Variants in IFT140 observed in about 807,000 individuals in gnomAD.
IFT140 encodes the protein intraflagellar transport protein 140 homolog.
In IFT140, 133 loss-of-function variants were observed where a neutral mutation model predicts 164.6. The observed-to-expected ratio is 0.81, with a 90% CI of 0.70 to 0.93. The LOEUF is 0.93. IFT140 is among the 40% of genes least tolerant of loss of function. IFT140 has a pLI of 0.00. For synonymous variants in IFT140, 860 were observed against 817.3 expected (o/e 1.05, Z -0.89); for missense variants, 2,045 against 1,972.3 (o/e 1.04, Z -0.70).
chr16:1,589,215 C>T (rs1396366143), intron 7 of IFT140, among the ~76,000 whole-genome samples: 1 of 152,164 alleles, frequency 6.6e-6, no homozygotes, highest in Non-Finnish European at 1.5e-5. Context: ...AGCAGGGATT[C>T]CTGTGGAACA....
chr16:1,521,918 A>T (rs1379275058), intron 26 of IFT140, among the ~76,000 whole-genome samples: 35 of 101,790 alleles, frequency 3.4e-4, no homozygotes, highest in Middle Eastern at 4.5e-3. Flanking sequence ...ATTTATATTT[A>T]AAAAAAAAAA....
At chr16:1,520,924 T>C (rs2040508618) in intron 26 of IFT140, 116 bp from the exon 27 acceptor site, 3 of 917,772 alleles carry the variant, frequency 3.3e-6, no homozygotes, top group Admixed American at 4.8e-5. Flanking sequence ...GCGGCTTCTG[T>C]CTAGCTGGGG....
rs1355314419 is a variant in IFT140 at position 1,571,601 on chromosome 16, T to C, written c.1525-67A>G. Reference sequence around the variant, plus strand: ...TACTGAACATTGTTCACAGATAACCTTGTACACACAAGAAATGGATATATT... The same window carrying C: ...TACTGAACATTGTTCACAGATAACCCTGTACACACAAGAAATGGATATATT... On this transcript the variant is annotated intron_variant, in intron 13 of 30. Coordinates refer to ENST00000426508, the MANE Select transcript of IFT140 (RefSeq NM_014714.4). The C allele has an allele frequency of 2.0e-6, 3 of 1,479,314 alleles. No homozygotes were observed. The highest frequency in any genetic ancestry group is 2.8e-6 in the Non-Finnish European group (3 of 1,076,560). 91.6% of individuals were successfully genotyped at this position (1,479,314 alleles called of 1,614,324 possible).
intron 30 of IFT140, among the ~76,000 whole-genome samples, chr16:1,516,132 T>C (rs2040330196): frequency 3.9e-5 from 2 of 51,160 alleles, no homozygotes; most frequent in South Asian, 6.6e-4. Flanking sequence ...AGAGCAAAAC[T>C]CTGTCTCAAA....
intron 21 of IFT140, 74 bp downstream of exon 21, chr16:1,525,813 C>T: frequency 7.2e-7 from 1 of 1,388,286 alleles, no homozygotes; most frequent in Non-Finnish European, 9.5e-7. Flanking sequence ...CACCTCACCA[C>T]AGCACACACA....
chr16:1,520,871 A>C, intron 26 of IFT140, 63 bp from the exon 27 acceptor site: 1 of 1,458,924 alleles, frequency 6.9e-7, no homozygotes, highest in East Asian at 2.3e-5. Flanking sequence ...TGCGCCCCTC[A>C]TCTGCCACCG....
intron 19 of IFT140, chr16:1,541,370 C>T: frequency 1.0e-6 from 1 of 985,446 alleles, no homozygotes; most frequent in Non-Finnish European, 1.2e-6. Flanking sequence ...TGAGCTGCTT[C>T]TCCTCGGTCC....
intron 16 of IFT140, among the ~76,000 whole-genome samples, 189 bp downstream of exon 16, chr16:1,565,972 G>A (rs966991836): frequency 1.3e-5 from 2 of 152,164 alleles, no homozygotes; most frequent in Admixed American, 1.3e-4. Context: ...CCTTCCACCT[G>A]AAGGACAGAG....
At position 1,523,501 on chromosome 16, in the gene IFT140, C is replaced by T. The variant is rs1338658561; in HGVS notation, c.3453+17G>A. 6.2e-7 allele frequency: 1 copy of T among 1,601,996 alleles called. No homozygotes were observed. Among genetic ancestry groups the T allele is most frequent in the Non-Finnish European group, 8.5e-7 (1 of 1,176,572 alleles). On this transcript the variant is annotated intron_variant, in intron 26 of 30. Coordinates refer to ENST00000426508, the MANE Select transcript of IFT140 (RefSeq NM_014714.4). ...GTGCCTGCGTGGAGCCGAGCCCAGG[C>T]CCCGCTGGCCCCGTACCTTCCTGGC...
intron 13 of IFT140, among the ~76,000 whole-genome samples, chr16:1,573,979 C>T (rs570229994): frequency 6.6e-6 from 1 of 152,302 alleles, no homozygotes; most frequent in Admixed American, 6.5e-5. Context: ...CCTGCTCTCC[C>T]TTGAGCTGTG....
At position 1,523,792 on chromosome 16, in the gene IFT140, C is replaced by G. The variant is rs746993968; in HGVS notation, c.3270+36G>C. ...AGGCAAGGGCCCCCTGGCTTGCTGC[C>G]CCTCCCCCAGGTCCCCACCGGTGGC... On this transcript the variant is annotated intron_variant, in intron 25 of 30. Transcript: ENST00000426508. 3.1e-6 allele frequency: 5 copies of G among 1,608,038 alleles called. No homozygotes were observed. In the East Asian group the frequency reaches 1.1e-4, roughly 36 times the overall value.
intron 18 of IFT140, 27 bp downstream of exon 18, chr16:1,561,958 A>T (rs745744114): frequency 2.6e-6 from 4 of 1,562,420 alleles, no homozygotes; most frequent in Non-Finnish European, 3.5e-6. Flanking sequence ...ATCAGAAGAC[A>T]CCTGTGCGGA....
intron 30 of IFT140, 22 bp downstream of exon 30, chr16:1,518,194 G>C (rs779959569): frequency 2.8e-5 from 44 of 1,590,388 alleles, no homozygotes; most frequent in East Asian, 2.5e-4. Context: ...GATGCTGCTA[G>C]TGAGCAGCAC....
chr16:1,556,225 A>C (rs1041168790), intron 19 of IFT140, among the ~76,000 whole-genome samples: 12 of 152,384 alleles, frequency 7.9e-5, no homozygotes, highest in Admixed American at 7.2e-4. Context: ...AAATCTGTTA[A>C]GAGAGGAACA....
chr16:1,553,214 C>G lies in IFT140; in HGVS notation c.2399+4721G>C. ...CTTCCCTGTGTCTCTGTCTCTGTCT[C>G]TCTCTGTCTCCATCTGTCTCTGTGT... On this transcript the variant is annotated intron_variant, in intron 19 of 30. Coordinates refer to ENST00000426508, the MANE Select transcript of IFT140 (RefSeq NM_014714.4). The surrounding 1 kb of genome is among the most constrained non-coding windows in gnomAD (Gnocchi z 4.4). 3.1e-6 allele frequency: 3 copies of G among 981,154 alleles called. No homozygotes were observed. Among genetic ancestry groups the G allele is most frequent in the Non-Finnish European group, 3.6e-6 (3 of 826,090 alleles). 60.8% of individuals were successfully genotyped at this position (981,154 alleles called of 1,614,324 possible).
At chr16:1,546,469 A>G (rs926288229) in intron 19 of IFT140, among the ~76,000 whole-genome samples, 1 of 152,154 alleles carries the variant, frequency 6.6e-6, no homozygotes, top group Non-Finnish European at 1.5e-5. Flanking sequence ...TGTGCAGTGG[A>G]GAGTGACCAC....
chr16:1,523,800 C>G, intron 25 of IFT140, 28 bp downstream of exon 25: 1 of 1,609,012 alleles, frequency 6.2e-7, no homozygotes, highest in Non-Finnish European at 8.5e-7. Context: ...GCCCCTCCCC[C>G]AGGTCCCCAC....
Position 1,526,770 on chromosome 16 carries a change from C to A in IFT140, c.2426G>T (p.Arg809Leu). The A allele has an allele frequency of 6.2e-7, 1 of 1,610,116 alleles. No individual in the cohort carries two copies. Residue 809 changes from arginine to leucine, a missense_variant, in exon 20 of 31, where the codon CGC (arginine) becomes CTC (leucine). Physicochemically the swap from Arg to Leu is moderately radical, Grantham distance 102. Transcript: ENST00000426508. Reference protein sequence around the residue: ...KSEAVWENMARMCVKTQRLDV... With the variant: ...KSEAVWENMALMCVKTQRLDV... ...CAGCCGCTGGGTCTTCACGCACATG[C>A]GCGCCATGTTCTCCCAGACGGCCTC...
At chr16:1,521,632 T>G (rs2040529708) in intron 26 of IFT140, among the ~76,000 whole-genome samples, 1 of 151,564 alleles carries the variant, frequency 6.6e-6, no homozygotes, top group Non-Finnish European at 1.5e-5. Context: ...CCTCAGGTGA[T>G]CCACCCACCT....
Sources: gnomAD v4.1 joint callset for allele counts (sites outside exome capture counted in the v4.1 genomes callset) on GRCh38, gnomAD v4.1.1 for gene constraint, Gnocchi (gnomAD v3.1) non-coding constraint, MANE v1.5 for transcripts, NCBI Gene and HGNC (gene_info 2026-07-23, HGNC 2026-07-21) for gene names.